Variants in RBFOX1 observed in about 807,000 individuals in gnomAD.
RBFOX1 encodes the protein RNA binding fox-1 homolog 1.
In RBFOX1, 8 loss-of-function variants were observed where a neutral mutation model predicts 57.7. That is an observed-to-expected ratio of 0.14 (90% CI 0.08 to 0.25). RBFOX1 has a LOEUF of 0.25. RBFOX1 is among the 10% of genes least tolerant of loss of function. The pLI, the probability that RBFOX1 is intolerant of heterozygous loss-of-function variation, is 1.00. For missense variants in RBFOX1, 611 were observed against 548.5 expected, an observed-to-expected ratio of 1.11 and a Z score of -1.14; for synonymous variants, 326 against 222.4, an observed-to-expected ratio of 1.47 and a Z score of -4.15.
At chr16:7,674,817 C>G (rs1449891247) in intron 13 of RBFOX1, among the ~76,000 whole-genome samples, 1 of 152,144 alleles carries the variant, frequency 6.6e-6, no homozygotes, top group Non-Finnish European at 1.5e-5. Flanking sequence ...GCAATTCTTC[C>G]CATTTATCGG....
At chr16:5,665,105 C>T (rs1331690218) in intron 3 of RBFOX1, among the ~76,000 whole-genome samples, 2 of 140,710 alleles carry the variant, frequency 1.4e-5, no homozygotes, top group Admixed American at 7.6e-5. Context: ...ACCACCATGG[C>T]TGGCTAACTT....
chr16:6,713,354 C>G (rs546559565), intron 3 of RBFOX1, among the ~76,000 whole-genome samples: 2 of 152,194 alleles, frequency 1.3e-5, no homozygotes, highest in East Asian at 3.9e-4. Flanking sequence ...CAAGTTAATG[C>G]CAACCTCCAC....
intron 3 of RBFOX1, among the ~76,000 whole-genome samples, chr16:5,628,447 G>A (rs150082221): frequency 3.3e-5 from 5 of 152,240 alleles, no homozygotes; most frequent in African/African-American, 1.2e-4. Context: ...TAACCATAGT[G>A]ATCACCATAG....
chr16:5,635,442 T>C (rs2151315154), intron 3 of RBFOX1, among the ~76,000 whole-genome samples: 1 of 152,298 alleles, frequency 6.6e-6, no homozygotes, highest in African/African-American at 2.4e-5. Context: ...AGCTGAAAGT[T>C]AAAGAGAATG....
intron 1 of RBFOX1, among the ~76,000 whole-genome samples, chr16:6,283,774 GA>G (rs1446120762): frequency 1.3e-5 from 2 of 152,296 alleles, no homozygotes; most frequent in Admixed American, 6.5e-5. Context: ...ACTCTAATTA[GA>G]AATTGTATAT....
At chr16:6,668,693 C>G (rs1040745467) in intron 3 of RBFOX1, among the ~76,000 whole-genome samples, 3 of 152,046 alleles carry the variant, frequency 2.0e-5, no homozygotes, top group African/African-American at 7.2e-5. Context: ...TGTGATTTGT[C>G]TATGATGATA....
chr16:7,673,530 G>C (rs1164880532), intron 13 of RBFOX1, among the ~76,000 whole-genome samples: 2 of 152,280 alleles, frequency 1.3e-5, no homozygotes, highest in African/African-American at 2.4e-5. Flanking sequence ...AACATAGTGA[G>C]ACCCCATCTC....
At chr16:5,331,100 G>A (rs1049959509) in intron 1 of RBFOX1, among the ~76,000 whole-genome samples, 7 of 152,060 alleles carry the variant, frequency 4.6e-5, no homozygotes, top group Non-Finnish European at 8.8e-5. Context: ...GAGAGAGGGA[G>A]GTAAACCCAC....
chr16:6,061,318 C>T (rs1024733395), intron 1 of RBFOX1, among the ~76,000 whole-genome samples: 1 of 152,114 alleles, frequency 6.6e-6, no homozygotes. Flanking sequence ...CTTCAGAAGA[C>T]ACAACTACAA....
chr16:7,479,464 T>G (rs1181102163), intron 4 of RBFOX1, among the ~76,000 whole-genome samples: 2 of 152,136 alleles, frequency 1.3e-5, no homozygotes, highest in Non-Finnish European at 2.9e-5. Flanking sequence ...ATGCTTGCCC[T>G]TTTCTCAGCC....
At chr16:5,865,344 G>A (rs531850903) in intron 3 of RBFOX1, among the ~76,000 whole-genome samples, 7 of 152,188 alleles carry the variant, frequency 4.6e-5, no homozygotes, top group Non-Finnish European at 4.4e-5. Context: ...CTGAACGGGC[G>A]CCAGGAATGA....
chr16:6,159,659 A>T (rs139851122), intron 1 of RBFOX1, among the ~76,000 whole-genome samples: 1 of 152,284 alleles, frequency 6.6e-6, no homozygotes, highest in Non-Finnish European at 1.5e-5. Context: ...CAGATGAGGA[A>T]ATGTCATGTT....
intron 4 of RBFOX1, among the ~76,000 whole-genome samples, chr16:7,289,606 A>G (rs2095720952): frequency 6.6e-6 from 1 of 152,104 alleles, no homozygotes; most frequent in African/African-American, 2.4e-5. Context: ...CACTTTCATC[A>G]TAGTCATCAC....
chr16:5,856,916 T>C (rs942549926), intron 3 of RBFOX1, among the ~76,000 whole-genome samples: 2 of 152,146 alleles, frequency 1.3e-5, no homozygotes, highest in African/African-American at 4.8e-5. Context: ...CTGTGTTCAC[T>C]GGAGTAGCAA....
chr16:7,402,786 C>G (rs1474500194), intron 4 of RBFOX1, among the ~76,000 whole-genome samples: 2 of 152,134 alleles, frequency 1.3e-5, no homozygotes, highest in Admixed American at 6.5e-5. Flanking sequence ...GATGGTGTAA[C>G]CTCAACAGCA....
At chr16:5,781,635 G>A (rs2054327140) in intron 3 of RBFOX1, among the ~76,000 whole-genome samples, 1 of 152,240 alleles carries the variant, frequency 6.6e-6, no homozygotes, top group Admixed American at 6.5e-5. Flanking sequence ...ACATAGACGT[G>A]TACACAAATG....
chr16:5,446,369 A>C (rs1006447191), intron 1 of RBFOX1, among the ~76,000 whole-genome samples: 2 of 152,166 alleles, frequency 1.3e-5, no homozygotes, highest in Non-Finnish European at 2.9e-5. Context: ...CAAATCCAGG[A>C]AAGTTAGATT....
At chr16:7,581,557 C>T (rs2093763848) in intron 6 of RBFOX1, among the ~76,000 whole-genome samples, 1 of 152,118 alleles carries the variant, frequency 6.6e-6, no homozygotes, top group Non-Finnish European at 1.5e-5. Context: ...CTGCAGGCTA[C>T]AATGCTAAGT....
intron 1 of RBFOX1, among the ~76,000 whole-genome samples, chr16:6,301,102 A>C (rs889541205): frequency 3.9e-5 from 6 of 152,204 alleles, no homozygotes; most frequent in Non-Finnish European, 7.3e-5. Flanking sequence ...TGAGGATCAG[A>C]AACAGAACCT....
Sources: allele counts gnomAD v4.1 joint callset (sites outside exome capture counted in the v4.1 genomes callset), GRCh38; gene constraint gnomAD v4.1.1; transcripts MANE v1.5; gene names NCBI Gene and HGNC (gene_info 2026-07-23, HGNC 2026-07-21).